The following RAD51B variants were observed in gnomAD, a reference collection of about 807,000 sequenced individuals.
RAD51B encodes DNA repair protein RAD51 homolog 2.
In RAD51B, 38 loss-of-function variants were observed where a neutral mutation model predicts 42.2. The ratio of observed to expected loss-of-function variants is 0.90; its 90% CI spans 0.70 to 1.18. The LOEUF (loss-of-function observed/expected upper bound fraction) is 1.18. Ranked by LOEUF, RAD51B falls within the 50% of genes most tolerant of loss-of-function variation. The pLI, the probability that RAD51B is intolerant of heterozygous loss-of-function variation, is 0.00. For missense variants in RAD51B, 373 were observed against 400.7 expected, an observed-to-expected ratio of 0.93 and a Z score of 0.59; for synonymous variants, 154 against 145.2, an observed-to-expected ratio of 1.06 and a Z score of -0.43.
At chr14:68,276,239 C>G (rs867052780) in intron 7 of RAD51B, among the ~76,000 whole-genome samples, 8 of 152,148 alleles carry the variant, frequency 5.3e-5, no homozygotes, top group Non-Finnish European at 8.8e-5. Flanking sequence ...GAATGACCTT[C>G]CACATAACTC....
chr14:68,659,445 A>C (rs1226659734), intron 11 of RAD51B, among the ~76,000 whole-genome samples: 1 of 146,998 alleles, frequency 6.8e-6, no homozygotes, highest in Admixed American at 6.7e-5. Flanking sequence ...CAATATAAAC[A>C]AGAAGCAAAG....
At chr14:68,594,056 G>T (rs1184570675) in intron 10 of RAD51B, among the ~76,000 whole-genome samples, 1 of 152,198 alleles carries the variant, frequency 6.6e-6, no homozygotes, top group African/African-American at 2.4e-5. Context: ...TGACACATTA[G>T]GACAGCTGAA....
chr14:68,553,901 G>C (rs370382803), intron 10 of RAD51B, among the ~76,000 whole-genome samples: 1 of 152,176 alleles, frequency 6.6e-6, no homozygotes, highest in African/African-American at 2.4e-5. Flanking sequence ...GCTAAGAAAT[G>C]AGCTTTGTCT....
intron 8 of RAD51B, among the ~76,000 whole-genome samples, chr14:68,354,730 T>C (rs1034619538): frequency 6.6e-6 from 1 of 152,040 alleles, no homozygotes; most frequent in Admixed American, 6.5e-5. Flanking sequence ...TAATTTTTTT[T>C]TTTTAATTAT....
chr14:68,584,893 G>A (rs894011381), intron 10 of RAD51B, among the ~76,000 whole-genome samples: 29 of 152,160 alleles, frequency 1.9e-4, no homozygotes, highest in Non-Finnish European at 3.4e-4. Flanking sequence ...TGAGGAAACC[G>A]AGAGAGAGGA....
intron 8 of RAD51B, among the ~76,000 whole-genome samples, chr14:68,372,284 C>G (rs879611414): frequency 5.9e-5 from 9 of 151,854 alleles, no homozygotes; most frequent in Non-Finnish European, 1.2e-4. Context: ...AGAGCATGTT[C>G]AATTCTTTAA....
intron 7 of RAD51B, among the ~76,000 whole-genome samples, chr14:68,135,483 T>TG (rs2077988750): frequency 6.6e-6 from 1 of 152,236 alleles, no homozygotes; most frequent in African/African-American, 2.4e-5. Flanking sequence ...AAGATTGTGC[T>TG]GGGTTCAGGG....
At chr14:68,100,099 T>C (rs1438879507) in intron 7 of RAD51B, among the ~76,000 whole-genome samples, 2 of 152,212 alleles carry the variant, frequency 1.3e-5, no homozygotes, top group Non-Finnish European at 2.9e-5. Flanking sequence ...TCTTTGTTAA[T>C]GTACAAATTA....
At chr14:68,341,336 CA>C (rs1354078085) in intron 8 of RAD51B, among the ~76,000 whole-genome samples, 2 of 152,108 alleles carry the variant, frequency 1.3e-5, no homozygotes, top group African/African-American at 4.8e-5. Context: ...GAATCATTGG[CA>C]ATTCCTAGAA....
At chr14:68,307,225 C>T (rs1205069334) in intron 8 of RAD51B, among the ~76,000 whole-genome samples, 2 of 152,074 alleles carry the variant, frequency 1.3e-5, no homozygotes, top group Non-Finnish European at 2.9e-5. Flanking sequence ...ATAAAGTGAA[C>T]AATGTCTCTT....
intron 8 of RAD51B, among the ~76,000 whole-genome samples, chr14:68,317,934 T>C (rs2082091838): frequency 6.6e-6 from 1 of 152,252 alleles, no homozygotes; most frequent in Admixed American, 6.5e-5. Context: ...TATATACTTA[T>C]GTCAGAAACA....
intron 9 of RAD51B, among the ~76,000 whole-genome samples, chr14:68,438,259 G>C (rs2085195253): frequency 6.6e-6 from 1 of 152,174 alleles, no homozygotes; most frequent in African/African-American, 2.4e-5. Context: ...AGTGGATATT[G>C]AGAGGGAAAA....
chr14:68,346,166 A>T (rs2082673396), intron 8 of RAD51B, among the ~76,000 whole-genome samples: 1 of 152,212 alleles, frequency 6.6e-6, no homozygotes, highest in South Asian at 2.1e-4. Flanking sequence ...ATCTTTTTCC[A>T]AAACAGATTT....
rs573079316 is a variant in RAD51B, at chr14:68,394,378, C to T, written c.854-17046C>T. On this transcript the variant is annotated intron_variant, in intron 8 of 10. Transcript: ENST00000471583. ...TTGTGAGTCTCCAGTAACAATCCTC[C>T]GGTGTGGCACAGCTACAAGCAATGA... 1.8e-4 allele frequency among the ~76,000 whole-genome samples: 28 copies of T among 152,258 alleles called. No homozygotes were observed. In the South Asian group the frequency reaches 2.5e-3, roughly 14 times the overall value.
intron 7 of RAD51B, among the ~76,000 whole-genome samples, chr14:68,073,681 C>G (rs367798520): frequency 3.9e-4 from 59 of 152,154 alleles, no homozygotes; most frequent in African/African-American, 1.0e-3. Context: ...TTCTGTAGTA[C>G]TCCCTTAAAG....
At chr14:68,673,503 T>TAC (rs145563288) in intron 11 of RAD51B, among the ~76,000 whole-genome samples, 1 of 149,686 alleles carries the variant, frequency 6.7e-6, no homozygotes, top group Non-Finnish European at 1.5e-5. Context: ...TGTACACACA[T>TAC]GTATGTACAC....
intron 8 of RAD51B, among the ~76,000 whole-genome samples, chr14:68,376,882 A>T (rs1255755403): frequency 6.6e-6 from 1 of 152,240 alleles, no homozygotes; most frequent in Non-Finnish European, 1.5e-5. Context: ...CTAATTAGAC[A>T]TAACTGAAGG....
intron 4 of RAD51B, among the ~76,000 whole-genome samples, chr14:67,859,590 TG>T (rs2042099393): frequency 6.6e-6 from 1 of 152,210 alleles, no homozygotes; most frequent in African/African-American, 2.4e-5. Flanking sequence ...AATGAACATG[TG>T]GGACAGGAAG....
chr14:68,537,709 G>T (rs1343794449), intron 10 of RAD51B, among the ~76,000 whole-genome samples: 2 of 152,026 alleles, frequency 1.3e-5, no homozygotes, highest in African/African-American at 4.8e-5. Flanking sequence ...CAATTAATGG[G>T]ATATTTTGAG....
Sources: allele counts gnomAD v4.1 joint callset (sites outside exome capture counted in the v4.1 genomes callset), GRCh38; gene constraint gnomAD v4.1.1; transcripts MANE v1.5; gene names NCBI Gene and HGNC (gene_info 2026-07-23, HGNC 2026-07-21).